The following LINGO2 variants were observed in gnomAD, a reference collection of about 807,000 sequenced individuals.
LINGO2 encodes leucine-rich repeat and immunoglobulin-like domain-containing nogo receptor-interacting protein 2.
LINGO2 carries 14 observed loss-of-function variants against 30.6 expected under a neutral mutation model. The ratio of observed to expected loss-of-function variants is 0.46; its 90% CI spans 0.30 to 0.72. LINGO2 has a LOEUF of 0.72. Ranked by LOEUF, LINGO2 falls within the 30% of genes least tolerant of loss-of-function variation. The pLI is 0.07. For missense variants in LINGO2, 729 were observed against 751.7 expected (o/e 0.97, Z 0.35); for synonymous variants, 317 against 288.5 (o/e 1.10, Z -1.00).
At chr9:28,362,998 T>A (rs942570274) in intron 3 of LINGO2, among the ~76,000 whole-genome samples, 10 of 152,184 alleles carry the variant, frequency 6.6e-5, no homozygotes, top group Non-Finnish European at 1.5e-4. Flanking sequence ...AAAACCTTCA[T>A]GTCTCTTCCC....
intron 4 of LINGO2, among the ~76,000 whole-genome samples, chr9:28,083,514 A>T (rs186160974): frequency 6.6e-6 from 1 of 152,158 alleles, no homozygotes; most frequent in East Asian, 1.9e-4. Flanking sequence ...CACATTTTAC[A>T]GTTTCCTCTG....
intron 1 of LINGO2, among the ~76,000 whole-genome samples, chr9:28,486,662 T>C (rs1044368063): frequency 6.6e-6 from 1 of 152,116 alleles, no homozygotes. Context: ...TCTGTTATAA[T>C]GAATAGTGCT....
chr9:27,994,092 T>G (rs1195275244), intron 5 of LINGO2, among the ~76,000 whole-genome samples: 1 of 152,046 alleles, frequency 6.6e-6, no homozygotes, highest in African/African-American at 2.4e-5. Context: ...ACTTAAAAAT[T>G]TCTTGAGACA....
At chr9:29,185,695 G>C in the LINGO2 span, among the ~76,000 whole-genome samples, 1 of 152,162 alleles carries the variant, frequency 6.6e-6, no homozygotes, top group East Asian at 1.9e-4. Context: ...ATGGTACTTA[G>C]AAAGGTAGAG....
chr9:28,505,906 C>T (rs1206374084), intron 1 of LINGO2, among the ~76,000 whole-genome samples: 2 of 151,780 alleles, frequency 1.3e-5, no homozygotes, highest in African/African-American at 4.8e-5. Flanking sequence ...AACTAAATAA[C>T]ATTTTTCCTA....
intron 3 of LINGO2, among the ~76,000 whole-genome samples, chr9:28,364,664 G>A (rs1820588537): frequency 6.6e-6 from 1 of 152,134 alleles, no homozygotes; most frequent in Non-Finnish European, 1.5e-5. Flanking sequence ...CTCTTGTATT[G>A]TAGACAGTTA....
At chr9:28,003,336 TAG>T (rs1346934454) in intron 5 of LINGO2, among the ~76,000 whole-genome samples, 23 of 129,380 alleles carry the variant, frequency 1.8e-4, no homozygotes, top group Admixed American at 4.7e-4. Flanking sequence ...TATAGATATA[TAG>T]ATATATAGAT....
chr9:28,003,586 T>G (rs1042742827), intron 5 of LINGO2, among the ~76,000 whole-genome samples: 1 of 152,102 alleles, frequency 6.6e-6, no homozygotes, highest in Admixed American at 6.6e-5. Context: ...CTCAGCCTCC[T>G]GAGTAGCTGG....
the LINGO2 span, among the ~76,000 whole-genome samples, chr9:28,775,367 C>T: frequency 6.6e-6 from 1 of 152,176 alleles, no homozygotes; most frequent in Non-Finnish European, 1.5e-5. Context: ...GCTATCTGAG[C>T]CAGGTTTCTG....
In LINGO2 at chr9:28,340,451, T is replaced by C. The variant is rs150356645; in HGVS notation, c.-246+32385A>G. Among the ~76,000 whole-genome samples, 94 of 152,272 alleles carry C rather than the reference T, an allele frequency of 6.2e-4. 1 individual carries two copies. The highest frequency in any genetic ancestry group is 1.9e-3 in the Admixed American group (29 of 15,278). Reference sequence around the variant, plus strand: ...ATGGGGTATAAAATGTTTGTAATTATATGAAATTTGATTTGAAGACAGAAT... The same window carrying C: ...ATGGGGTATAAAATGTTTGTAATTACATGAAATTTGATTTGAAGACAGAAT... On this transcript the variant is annotated intron_variant, in intron 3 of 5. Transcript: ENST00000379992.
chr9:29,059,994 A>T, the LINGO2 span, among the ~76,000 whole-genome samples: 1 of 152,116 alleles, frequency 6.6e-6, no homozygotes, highest in Admixed American at 6.6e-5. Context: ...ATTCTGAATG[A>T]AATGCAAAAT....
At chr9:28,854,093 T>C in the LINGO2 span, among the ~76,000 whole-genome samples, 1 of 151,706 alleles carries the variant, frequency 6.6e-6, no homozygotes, top group Non-Finnish European at 1.5e-5. Flanking sequence ...TGAGGGGAGG[T>C]ACTACTAGTA....
chr9:28,604,230 T>A (rs545343161), intron 1 of LINGO2, among the ~76,000 whole-genome samples: 93 of 152,036 alleles, frequency 6.1e-4, no homozygotes, highest in African/African-American at 2.2e-3. Flanking sequence ...ACTACAGTGT[T>A]AGGCAATAGT....
At chr9:28,472,949 T>A (rs919584382) in intron 2 of LINGO2, among the ~76,000 whole-genome samples, 1 of 152,230 alleles carries the variant, frequency 6.6e-6, no homozygotes, top group African/African-American at 2.4e-5. Flanking sequence ...ATTCAATGCA[T>A]ACACAAGGAT....
intron 4 of LINGO2, among the ~76,000 whole-genome samples, chr9:28,169,036 T>A (rs867944898): frequency 6.6e-6 from 1 of 152,200 alleles, no homozygotes; most frequent in Non-Finnish European, 1.5e-5. Context: ...CACCCATGAA[T>A]TCAACTCTTT....
the LINGO2 span, among the ~76,000 whole-genome samples, chr9:28,718,793 C>T: frequency 6.6e-6 from 1 of 152,116 alleles, no homozygotes; most frequent in Non-Finnish European, 1.5e-5. Flanking sequence ...AACAAATGAG[C>T]CCAAACACTT....
chr9:28,431,542 A>T (rs569268265), intron 2 of LINGO2, among the ~76,000 whole-genome samples: 1 of 152,344 alleles, frequency 6.6e-6, no homozygotes, highest in East Asian at 1.9e-4. Flanking sequence ...TAGAATTTCT[A>T]GCACCATGGC....
At chr9:28,882,891 C>G in the LINGO2 span, among the ~76,000 whole-genome samples, 1 of 152,200 alleles carries the variant, frequency 6.6e-6, no homozygotes, top group African/African-American at 2.4e-5. Flanking sequence ...CCATCTTCTC[C>G]TGAGCTATTG....
chr9:27,957,581 C>T (rs563220990), intron 5 of LINGO2, among the ~76,000 whole-genome samples: 1 of 152,302 alleles, frequency 6.6e-6, no homozygotes, highest in South Asian at 2.1e-4. Flanking sequence ...GCGTGAGCCA[C>T]CGCACCCGGC....
Sources: allele counts gnomAD v4.1 joint callset (sites outside exome capture counted in the v4.1 genomes callset), GRCh38; gene constraint gnomAD v4.1.1; transcripts MANE v1.5; gene names NCBI Gene and HGNC (gene_info 2026-07-23, HGNC 2026-07-21).